Variants in IGSF21 observed in about 807,000 individuals in gnomAD.
IGSF21 encodes immunoglobin superfamily member 21.
In IGSF21, 28 loss-of-function variants were observed where a neutral mutation model predicts 46.8. The ratio of observed to expected loss-of-function variants is 0.60; its 90% CI spans 0.44 to 0.82. The LOEUF is 0.82. Ranked by LOEUF, IGSF21 falls within the 40% of genes least tolerant of loss-of-function variation. The pLI is 0.00. For synonymous variants in IGSF21, 284 were observed against 273.6 expected, an observed-to-expected ratio of 1.04 and a Z score of -0.38; for missense variants, 624 against 665.5, an observed-to-expected ratio of 0.94 and a Z score of 0.69.
intron 3 of IGSF21, among the ~76,000 whole-genome samples, chr1:18,311,350 A>G (rs1202386196): frequency 6.6e-6 from 1 of 152,124 alleles, no homozygotes; most frequent in Non-Finnish European, 1.5e-5. Context: ...TGTCCCCAGG[A>G]GCCTCCCCAA....
chr1:18,180,412 G>A (rs2086845758), intron 1 of IGSF21, among the ~76,000 whole-genome samples: 1 of 152,212 alleles, frequency 6.6e-6, no homozygotes, highest in South Asian at 2.1e-4. Flanking sequence ...CAGTGAGGAG[G>A]TATTGGCCTT....
intron 2 of IGSF21, among the ~76,000 whole-genome samples, chr1:18,244,435 G>A (rs905595238): frequency 2.6e-5 from 4 of 152,246 alleles, no homozygotes; most frequent in South Asian, 2.1e-4. Flanking sequence ...TGTTGCAGGT[G>A]ATGCTGGGTG....
chr1:18,121,636 G>A (rs753424839), intron 1 of IGSF21, among the ~76,000 whole-genome samples: 1 of 152,156 alleles, frequency 6.6e-6, no homozygotes, highest in Non-Finnish European at 1.5e-5. Flanking sequence ...GCCATCTGTC[G>A]GATCTGCCAT....
chr1:18,359,054 A>G (rs893455318), intron 4 of IGSF21, among the ~76,000 whole-genome samples: 5 of 152,158 alleles, frequency 3.3e-5, no homozygotes, highest in African/African-American at 7.2e-5. Flanking sequence ...GTTTGAGGCC[A>G]GGAATTCAAG....
intron 3 of IGSF21, among the ~76,000 whole-genome samples, chr1:18,304,013 T>C (rs935761016): frequency 6.6e-6 from 1 of 151,840 alleles, no homozygotes; most frequent in Admixed American, 6.6e-5. Context: ...AGCAGGGAGA[T>C]TGGGGTGGGG....
intron 1 of IGSF21, among the ~76,000 whole-genome samples, chr1:18,206,095 T>C (rs2084317864): frequency 6.6e-6 from 1 of 152,210 alleles, no homozygotes; most frequent in African/African-American, 2.4e-5. Context: ...CAGGCAAAGA[T>C]GTAGTGCTGT....
intron 1 of IGSF21, among the ~76,000 whole-genome samples, chr1:18,121,410 A>T (rs906692420): frequency 1.3e-5 from 2 of 151,368 alleles, no homozygotes; most frequent in Non-Finnish European, 2.9e-5. Flanking sequence ...TTTTCTCACG[A>T]TCCTCTATTT....
At position 18,335,051 on chromosome 1, in the gene IGSF21, G is replaced by A; in HGVS notation, c.424+41G>A. ...CTGGCCCCTGGTGTCTCAGTGAGGA[G>A]GACGAGTATGCTTGAGTGTGTGAAT... is the stretch of plus-strand genomic sequence containing the variant. On this transcript the variant is annotated intron_variant, in intron 4 of 9. Transcript: ENST00000251296. The surrounding 1 kb of genome is among the most constrained non-coding windows in gnomAD (Gnocchi z 4.8). 1.4e-6 allele frequency: 2 copies of A among 1,467,388 alleles called. No homozygotes were observed. Among genetic ancestry groups the A allele is most frequent in the Non-Finnish European group, 1.9e-6 (2 of 1,046,316 alleles). 90.9% of individuals were successfully genotyped at this position (1,467,388 alleles called of 1,614,324 possible). A position where few individuals can be genotyped will look rare whatever the true frequency, so the allele number is the denominator to read the frequency against.
chr1:18,365,300 A>G lies in IGSF21; in HGVS notation c.618A>G (p.Leu206=), dbSNP rs1179633044. The change falls in exon 6 of 10, where the codon CTA becomes CTG. Residue 206 remains leucine (L), a synonymous_variant. Transcript: ENST00000251296. This position sits in a 1 kb window ranked among gnomAD's most constrained non-coding sequence, Gnocchi z 4.8. ...SEPPAASSGP[L]QDSRPFRSLL... ...CACCAGCTGCGAGCTCCGGCCCCCT[A>G]CAGGACAGCAGGCCCTTCCGCAGCC... 5 of 1,613,938 alleles carry G rather than the reference A, an allele frequency of 3.1e-6. No individual in the cohort carries two copies. The highest frequency in any genetic ancestry group is 2.7e-5 in the African/African-American group (2 of 74,900).
intron 1 of IGSF21, among the ~76,000 whole-genome samples, chr1:18,161,340 G>A (rs1208602581): frequency 2.6e-5 from 4 of 152,108 alleles, no homozygotes; most frequent in Non-Finnish European, 4.4e-5. Context: ...AAGCAGAGGT[G>A]GCTTGCGGGG....
intron 2 of IGSF21, among the ~76,000 whole-genome samples, chr1:18,280,249 G>T (rs1557622298): frequency 3.3e-5 from 5 of 152,112 alleles, no homozygotes; most frequent in African/African-American, 9.7e-5. Context: ...CCCCACACCT[G>T]CCCTGTTGAC....
chr1:18,360,882 A>G (rs77669455), intron 4 of IGSF21, among the ~76,000 whole-genome samples: 3,528 of 152,234 alleles, frequency 0.023, 87 homozygotes, highest in East Asian at 0.1. Context: ...AGTTTTGGTG[A>G]CTTGCCCAAG....
At chr1:18,277,076 G>A (rs574535163) in intron 2 of IGSF21, among the ~76,000 whole-genome samples, 84 of 152,298 alleles carry the variant, frequency 5.5e-4, no homozygotes, top group Non-Finnish European at 1.1e-3. Flanking sequence ...TCTTGTCACC[G>A]TACTGCCTGG....
intron 1 of IGSF21, among the ~76,000 whole-genome samples, chr1:18,126,714 T>C (rs934601710): frequency 1.3e-5 from 2 of 152,006 alleles, no homozygotes; most frequent in Non-Finnish European, 2.9e-5. Context: ...AACGAAATAT[T>C]TTATGATCCC....
At chr1:18,128,851 A>G (rs2086295306) in intron 1 of IGSF21, among the ~76,000 whole-genome samples, 1 of 151,292 alleles carries the variant, frequency 6.6e-6, no homozygotes, top group Admixed American at 6.6e-5. Flanking sequence ...TGGAGGGAAA[A>G]AGCCCACCCC....
chr1:18,240,387 G>A (rs1308399108), intron 2 of IGSF21, among the ~76,000 whole-genome samples: 1 of 152,264 alleles, frequency 6.6e-6, no homozygotes, highest in African/African-American at 2.4e-5. Context: ...ATGAAAGACT[G>A]TCAAATAAAT....
chr1:18,231,423 G>T (rs2084624550), intron 2 of IGSF21, among the ~76,000 whole-genome samples: 1 of 152,128 alleles, frequency 6.6e-6, no homozygotes, highest in Admixed American at 6.5e-5. Flanking sequence ...GGAGGAAGCG[G>T]CAAGAGCCTG....
chr1:18,202,514 A>G (rs2087086325), intron 1 of IGSF21, among the ~76,000 whole-genome samples: 1 of 152,204 alleles, frequency 6.6e-6, no homozygotes, highest in Non-Finnish European at 1.5e-5. Flanking sequence ...GGCCTCAGAA[A>G]ACTTACAATC....
intron 1 of IGSF21, among the ~76,000 whole-genome samples, chr1:18,139,622 T>C (rs1292471953): frequency 6.6e-6 from 1 of 152,230 alleles, no homozygotes; most frequent in Non-Finnish European, 1.5e-5. Context: ...GGGACAGGTC[T>C]CTGGGTTTGA....
Sources: allele counts gnomAD v4.1 joint callset (sites outside exome capture counted in the v4.1 genomes callset), GRCh38; gene constraint gnomAD v4.1.1; non-coding constraint Gnocchi (gnomAD v3.1); transcripts MANE v1.5; gene names NCBI Gene and HGNC (gene_info 2026-07-23, HGNC 2026-07-21).